Variants in RTN4 observed in about 807,000 individuals in gnomAD.
The protein encoded by RTN4 is reticulon 4.
In RTN4, 32 loss-of-function variants were observed where a neutral mutation model predicts 90.4. The ratio of observed to expected loss-of-function variants is 0.35; its 90% CI spans 0.27 to 0.48. The LOEUF is 0.48. Ranked by LOEUF, RTN4 falls within the 20% of genes least tolerant of loss-of-function variation. RTN4 has a pLI of 0.99. For synonymous variants in RTN4, 629 were observed against 552.5 expected (o/e 1.14, Z -1.94); for missense variants, 1,706 against 1,430.2 (o/e 1.19, Z -3.11).
chr2:55,044,450 C>T (rs1027041123), intron 1 of RTN4, among the ~76,000 whole-genome samples: 11 of 152,016 alleles, frequency 7.2e-5, no homozygotes, highest in African/African-American at 2.7e-4. Flanking sequence ...GTGGCTCATG[C>T]CTGTAATCCC....
At chr2:54,981,636 C>T (rs555431887) in intron 5 of RTN4, among the ~76,000 whole-genome samples, 1 of 152,286 alleles carries the variant, frequency 6.6e-6, no homozygotes, top group Admixed American at 6.5e-5. Flanking sequence ...TTTCGTCAGT[C>T]AGAACTTTGG....
Position 54,972,232 on chromosome 2 carries a change from A to ACAATG in RTN4, c.*919_*923dup. 1 of 152,672 alleles carries ACAATG rather than the reference A, an allele frequency of 6.5e-6. No homozygotes were observed. The highest frequency in any genetic ancestry group is 1.5e-5 in the Non-Finnish European group (1 of 68,054). 9.5% of individuals were successfully genotyped at this position (152,672 alleles called of 1,614,324 possible). ...TATTGATACTTTGCTTTTACAGTTC[A>ACAATG]CAATGCATTCCACAGATTTAGTTCA... On this transcript the variant is annotated 3_prime_UTR_variant, in exon 9 of 9. Coordinates refer to ENST00000337526, the MANE Select transcript of RTN4 (RefSeq NM_020532.5).
At chr2:55,081,591 T>A (rs911666216) in intron 1 of RTN4, among the ~76,000 whole-genome samples, 2 of 152,106 alleles carry the variant, frequency 1.3e-5, no homozygotes, top group Non-Finnish European at 2.9e-5. Context: ...CAGCCAGGCA[T>A]GGTGGCTCAG....
At chr2:55,034,044 C>T (rs1478901523) in intron 1 of RTN4, among the ~76,000 whole-genome samples, 1 of 152,098 alleles carries the variant, frequency 6.6e-6, no homozygotes, top group Non-Finnish European at 1.5e-5. Context: ...AGGTAATATA[C>T]TGATTGGTTA....
intron 1 of RTN4, among the ~76,000 whole-genome samples, chr2:55,033,622 T>C (rs559651765): frequency 7.1e-4 from 108 of 152,340 alleles, no homozygotes; most frequent in African/African-American, 1.5e-3. Flanking sequence ...AAGAAGGCTA[T>C]GATGTGCCTT....
At chr2:54,983,175 AT>A (rs1678280774) in intron 4 of RTN4, among the ~76,000 whole-genome samples, 1 of 151,976 alleles carries the variant, frequency 6.6e-6, no homozygotes, top group South Asian at 2.1e-4. Context: ...TTTAGGGGAA[AT>A]TGTTCAATAT....
chr2:55,121,205 G>T, the RTN4 span, among the ~76,000 whole-genome samples: 1 of 152,222 alleles, frequency 6.6e-6, no homozygotes, highest in African/African-American at 2.4e-5. Context: ...CAATGAATGA[G>T]ACAGTCAGTC....
chr2:55,128,431 G>C, the RTN4 span, among the ~76,000 whole-genome samples: 2 of 152,058 alleles, frequency 1.3e-5, no homozygotes, highest in Non-Finnish European at 2.9e-5. Flanking sequence ...TGCTCTCTCC[G>C]ATGAGGAAAA....
intron 3 of RTN4, among the ~76,000 whole-genome samples, chr2:55,011,066 T>G (rs1156587575): frequency 6.6e-6 from 1 of 152,212 alleles, no homozygotes; most frequent in Non-Finnish European, 1.5e-5. Flanking sequence ...AGGGTCTCGC[T>G]CTGTCACCAA....
chr2:55,057,713 G>A (rs1668214667), intron 2 of RTN4, among the ~76,000 whole-genome samples: 1 of 152,180 alleles, frequency 6.6e-6, no homozygotes, highest in South Asian at 2.1e-4. Flanking sequence ...ACCCAGGCCT[G>A]GTGGTTCACG....
At chr2:55,070,167 C>G (rs541074063) in intron 2 of RTN4, among the ~76,000 whole-genome samples, 1 of 152,170 alleles carries the variant, frequency 6.6e-6, no homozygotes, top group East Asian at 1.9e-4. Flanking sequence ...TGGGGGCTGT[C>G]TTGTGCATTC....
intron 3 of RTN4, among the ~76,000 whole-genome samples, chr2:55,013,651 A>G (rs1680816712): frequency 6.6e-6 from 1 of 150,966 alleles, no homozygotes; most frequent in African/African-American, 2.4e-5. Context: ...CTAACTGGCA[A>G]GATTTCAGAC....
intron 3 of RTN4, among the ~76,000 whole-genome samples, chr2:55,005,465 A>G (rs1410803231): frequency 6.6e-6 from 1 of 152,214 alleles, no homozygotes; most frequent in Non-Finnish European, 1.5e-5. Context: ...AATACATACT[A>G]TTTAACCTTA....
intron 5 of RTN4, among the ~76,000 whole-genome samples, chr2:54,981,382 T>C (rs571536521): frequency 1.3e-5 from 2 of 152,178 alleles, no homozygotes; most frequent in East Asian, 3.9e-4. Flanking sequence ...TTATTACTAC[T>C]ATATCCTTGG....
chr2:54,990,846 C>T (rs1333922731), intron 3 of RTN4, among the ~76,000 whole-genome samples: 5 of 151,804 alleles, frequency 3.3e-5, no homozygotes, highest in African/African-American at 4.8e-5. Context: ...AGTGCAGTGG[C>T]GCGATCTCGG....
chr2:55,080,676 T>G (rs1668694485), intron 1 of RTN4: 1 of 152,224 alleles, frequency 6.6e-6, no homozygotes, highest in South Asian at 2.1e-4. Context: ...TTAAGTATAC[T>G]GAAACCGTCT....
At chr2:54,995,544 G>T (rs55698303) in intron 3 of RTN4, among the ~76,000 whole-genome samples, 41,401 of 151,908 alleles carry the variant, frequency 0.27, 6,016 homozygotes, top group Non-Finnish European at 0.33. Context: ...TATACTTTAT[G>T]GGTTTTTATT....
At chr2:55,113,604 T>C (rs1178727350), upstream of RTN4, among the ~76,000 whole-genome samples, 1 of 152,184 alleles carries the variant, frequency 6.6e-6, no homozygotes, top group Non-Finnish European at 1.5e-5. Context: ...GCAAGTGACC[T>C]CTCACTCCGG....
At chr2:55,048,848 G>A (rs1047535067) in intron 1 of RTN4, among the ~76,000 whole-genome samples, 1 of 152,090 alleles carries the variant, frequency 6.6e-6, no homozygotes, top group African/African-American at 2.4e-5. Context: ...CCTTCTTTAG[G>A]AATGTCAACC....
Sources: allele counts gnomAD v4.1 joint callset (sites outside exome capture counted in the v4.1 genomes callset), GRCh38; gene constraint gnomAD v4.1.1; transcripts MANE v1.5; gene names NCBI Gene and HGNC (gene_info 2026-07-23, HGNC 2026-07-21).